The following GSE1 variants were observed in gnomAD, a reference collection of about 807,000 sequenced individuals.
GSE1 encodes Gse1 coiled-coil protein, also known as genetic suppressor element 1.
A neutral mutation model predicts 112.6 loss-of-function variants in GSE1; 32 were observed. That is an observed-to-expected ratio of 0.28 (90% CI 0.21 to 0.38). GSE1 has a LOEUF of 0.38. Ranked by LOEUF, GSE1 falls within the 10% of genes least tolerant of loss-of-function variation. The pLI, the probability that GSE1 is intolerant of heterozygous loss-of-function variation, is 1.00. For synonymous variants in GSE1, 1,115 were observed against 735.6 expected, an observed-to-expected ratio of 1.52 and a Z score of -8.35; for missense variants, 2,348 against 1,699.2, an observed-to-expected ratio of 1.38 and a Z score of -6.71.
At chr16:85,378,395 G>A (rs922053793) in intron 2 of GSE1, among the ~76,000 whole-genome samples, 2 of 152,164 alleles carry the variant, frequency 1.3e-5, no homozygotes, top group African/African-American at 2.4e-5. Context: ...GTCCCAGCCT[G>A]CGCCTGGCAG....
At chr16:85,324,521 A>G (rs913119089) in intron 1 of GSE1, among the ~76,000 whole-genome samples, 46 of 152,142 alleles carry the variant, frequency 3.0e-4, no homozygotes, top group Admixed American at 1.6e-3. Flanking sequence ...AAAAAAAAAA[A>G]AAAAAGAAAA....
intron 1 of GSE1, among the ~76,000 whole-genome samples, chr16:85,313,918 C>CTGTGTG (rs10676246): frequency 8.4e-4 from 125 of 149,290 alleles, no homozygotes; most frequent in Middle Eastern, 3.4e-3. Context: ...GTCTGAGCCT[C>CTGTGTG]TGTGTGTGTG....
At chr16:85,660,112 A>AG (rs1272743527) in intron 8 of GSE1, among the ~76,000 whole-genome samples, 1 of 152,226 alleles carries the variant, frequency 6.6e-6, no homozygotes, top group African/African-American at 2.4e-5. Flanking sequence ...TGTCCCTACA[A>AG]GGCACAGCAG....
chr16:85,225,561 G>T (rs919529723), intron 1 of GSE1, among the ~76,000 whole-genome samples: 2 of 152,190 alleles, frequency 1.3e-5, no homozygotes. Flanking sequence ...CTGTCCCTCC[G>T]CTGCCGGGTA....
At chr16:85,629,233 C>T (rs780071049) in intron 1 of GSE1, among the ~76,000 whole-genome samples, 2 of 152,208 alleles carry the variant, frequency 1.3e-5, no homozygotes, top group East Asian at 1.9e-4. Flanking sequence ...TACACAGCCT[C>T]GGGTATTTCT....
At chr16:85,653,385 G>A (rs963335721) in intron 3 of GSE1, among the ~76,000 whole-genome samples, 6 of 142,118 alleles carry the variant, frequency 4.2e-5, no homozygotes, top group African/African-American at 1.6e-4. Flanking sequence ...GTTTCTCCGG[G>A]CTGGACCCTG....
At chr16:85,557,203 C>A (rs1196736232) in intron 1 of GSE1, among the ~76,000 whole-genome samples, 1 of 152,200 alleles carries the variant, frequency 6.6e-6, no homozygotes, top group Non-Finnish European at 1.5e-5. Context: ...CCCCACCGCG[C>A]GCCGTCACCC....
intron 2 of GSE1, among the ~76,000 whole-genome samples, chr16:85,446,996 G>A (rs1000434044): frequency 6.6e-6 from 1 of 152,098 alleles, no homozygotes; most frequent in Non-Finnish European, 1.5e-5. Flanking sequence ...ACAATGTCGG[G>A]TGCTCCATGG....
intron 1 of GSE1, among the ~76,000 whole-genome samples, chr16:85,239,030 CA>C (rs1424571708): frequency 6.6e-6 from 1 of 152,092 alleles, no homozygotes; most frequent in Non-Finnish European, 1.5e-5. Context: ...CGGGTTCAAG[CA>C]ATTCTCCTGC....
At chr16:85,617,299 A>T (rs1426948569) in intron 1 of GSE1, among the ~76,000 whole-genome samples, 2 of 152,214 alleles carry the variant, frequency 1.3e-5, no homozygotes, top group Non-Finnish European at 2.9e-5. Flanking sequence ...AAGGAGCTGT[A>T]GATGAGGGCA....
intron 1 of GSE1, among the ~76,000 whole-genome samples, chr16:85,252,451 G>A (rs959441528): frequency 2.7e-5 from 4 of 150,482 alleles, no homozygotes; most frequent in Non-Finnish European, 5.9e-5. Flanking sequence ...GTTTAAGGGG[G>A]ACAACCCCCG....
chr16:85,524,965 G>C (rs75620354), intron 2 of GSE1, among the ~76,000 whole-genome samples: 1 of 152,142 alleles, frequency 6.6e-6, no homozygotes, highest in African/African-American at 2.4e-5. Context: ...GTGAGTCCCC[G>C]CCATGCCCGC....
At chr16:85,491,022 C>G (rs893184433) in intron 2 of GSE1, among the ~76,000 whole-genome samples, 5 of 152,196 alleles carry the variant, frequency 3.3e-5, no homozygotes, top group African/African-American at 1.2e-4. Context: ...CTCCCCCTGC[C>G]TCTGGCCGCC....
chr16:85,641,248 CCCGGCTCCAT>C (rs988399557), intron 2 of GSE1, among the ~76,000 whole-genome samples: 1 of 152,384 alleles, frequency 6.6e-6, no homozygotes, highest in Admixed American at 6.5e-5. Context: ...CGCGGACTCT[CCCGGCTCCAT>C]CCGGCTCCCA....
chr16:85,647,750 CTAA>C (rs1461668100), intron 2 of GSE1, among the ~76,000 whole-genome samples: 8 of 152,174 alleles, frequency 5.3e-5, no homozygotes, highest in Non-Finnish European at 1.0e-4. Context: ...TCACGCCCGG[CTAA>C]TATTTGTATT....
intron 2 of GSE1, among the ~76,000 whole-genome samples, chr16:85,537,009 C>T (rs1381438879): frequency 6.6e-6 from 1 of 152,154 alleles, no homozygotes; most frequent in Non-Finnish European, 1.5e-5. Context: ...GGCCCCACCC[C>T]GACGAGTGGG....
At chr16:85,616,376 C>T (rs1313903567) in intron 1 of GSE1, among the ~76,000 whole-genome samples, 1 of 152,250 alleles carries the variant, frequency 6.6e-6, no homozygotes, top group Admixed American at 6.5e-5. Flanking sequence ...CCTCCAGGAG[C>T]TCGCAGGGGC....
chr16:85,241,174 TGACCTTGGGCTCGGCTGCGA>T (rs564979188), intron 1 of GSE1, among the ~76,000 whole-genome samples: 2,241 of 115,798 alleles, frequency 0.019, 50 homozygotes, highest in African/African-American at 0.059. Flanking sequence ...CTCGGCTGCG[TGACCTTGGGCTCGGCTGCGA>T]GACCTTGGGC....
intron 1 of GSE1, among the ~76,000 whole-genome samples, chr16:85,202,568 C>G (rs1008003532): frequency 6.6e-6 from 1 of 152,174 alleles, no homozygotes; most frequent in South Asian, 2.1e-4. Context: ...TGGGCTCACC[C>G]GAGGCAGAAC....
Sources: gnomAD v4.1 joint callset for allele counts (sites outside exome capture counted in the v4.1 genomes callset) on GRCh38, gnomAD v4.1.1 for gene constraint, MANE v1.5 for transcripts, NCBI Gene and HGNC (gene_info 2026-07-23, HGNC 2026-07-21) for gene names.